Variants in FOXP1 observed in about 807,000 individuals in gnomAD.
FOXP1 encodes the protein forkhead box protein P1.
In FOXP1, 15 loss-of-function variants were observed where a neutral mutation model predicts 98.2. That is an observed-to-expected ratio of 0.15 (90% CI 0.10 to 0.24). FOXP1 has a LOEUF of 0.24. Ranked by LOEUF, FOXP1 falls within the 10% of genes least tolerant of loss-of-function variation. FOXP1 has a pLI of 1.00. For missense variants in FOXP1, 633 were observed against 848.5 expected (o/e 0.75, Z 3.15); for synonymous variants, 371 against 314.5 (o/e 1.18, Z -1.90).
chr3:71,551,271 A>AAGAGT (rs572029530), intron 2 of FOXP1, among the ~76,000 whole-genome samples: 27 of 152,366 alleles, frequency 1.8e-4, no homozygotes, highest in Admixed American at 2.0e-4. Flanking sequence ...AGACATTTAT[A>AAGAGT]AAAGTGTGCT....
chr3:71,396,658 G>A (rs1215723090), intron 3 of FOXP1, among the ~76,000 whole-genome samples: 1 of 150,736 alleles, frequency 6.6e-6, no homozygotes, highest in African/African-American at 2.5e-5. Context: ...AATTTATGGG[G>A]CCCGTGGCAT....
chr3:71,418,675 A>T (rs1233417846), intron 3 of FOXP1, among the ~76,000 whole-genome samples: 1 of 152,178 alleles, frequency 6.6e-6, no homozygotes, highest in Admixed American at 6.5e-5. Context: ...TTAACTGTCA[A>T]TTATCAAAAT....
intron 17 of FOXP1, among the ~76,000 whole-genome samples, chr3:70,976,384 A>G (rs955126876): frequency 2.6e-5 from 4 of 152,194 alleles, no homozygotes; most frequent in African/African-American, 9.6e-5. Flanking sequence ...CCAAAAAAAG[A>G]AAAACAAAAA....
intron 11 of FOXP1, among the ~76,000 whole-genome samples, chr3:71,031,715 T>C (rs1576308294): frequency 6.6e-6 from 1 of 151,670 alleles, no homozygotes; most frequent in South Asian, 2.1e-4. Context: ...GTTTTCACAA[T>C]GGAAAATGCT....
intron 3 of FOXP1, among the ~76,000 whole-genome samples, chr3:71,415,490 T>C (rs578226311): frequency 1.3e-5 from 2 of 152,268 alleles, no homozygotes; most frequent in East Asian, 3.9e-4. Flanking sequence ...ATCTAGACTA[T>C]CTGAGCAAAA....
At chr3:71,151,694 ATAAT>A (rs1220075012) in intron 6 of FOXP1, among the ~76,000 whole-genome samples, 3 of 149,106 alleles carry the variant, frequency 2.0e-5, no homozygotes, top group African/African-American at 4.9e-5. Context: ...AGTTAATGAA[ATAAT>A]TATTTTTTGG....
upstream of FOXP1, chr3:71,583,822 C>T (rs2048385800): frequency 2.0e-6 from 2 of 987,610 alleles, no homozygotes; most frequent in Non-Finnish European, 2.4e-6. Context: ...GCGGCGGCGG[C>T]GGCAGAGGCG....
At chr3:70,962,654 T>G (rs1191146342) in intron 20 of FOXP1, among the ~76,000 whole-genome samples, 2 of 152,230 alleles carry the variant, frequency 1.3e-5, no homozygotes, top group Non-Finnish European at 2.9e-5. Context: ...ATATGCTGAT[T>G]GAGGTTCAAA....
intron 7 of FOXP1, among the ~76,000 whole-genome samples, chr3:71,104,189 G>A (rs1022284781): frequency 1.6e-4 from 24 of 152,138 alleles, no homozygotes; most frequent in African/African-American, 5.8e-4. Context: ...AGGCCTGAAA[G>A]TCACTCAAGA....
At chr3:71,080,848 C>G (rs1007321902) in intron 7 of FOXP1, among the ~76,000 whole-genome samples, 1 of 152,172 alleles carries the variant, frequency 6.6e-6, no homozygotes, top group African/African-American at 2.4e-5. Context: ...AAAGTCTTAC[C>G]ATCTCTGAAT....
chr3:70,964,367 G>A (rs546949233), intron 20 of FOXP1, among the ~76,000 whole-genome samples: 26 of 152,328 alleles, frequency 1.7e-4, no homozygotes, highest in Non-Finnish European at 3.7e-4. Context: ...CTGAACTGGT[G>A]CCTGTGGCTT....
intron 8 of FOXP1, 66 bp downstream of exon 8, chr3:71,053,570 G>T (rs202246470): frequency 6.2e-7 from 1 of 1,601,064 alleles, no homozygotes; most frequent in African/African-American, 1.3e-5. Context: ...GGGAGATTGC[G>T]AATGGAGTGA....
intron 3 of FOXP1, among the ~76,000 whole-genome samples, chr3:71,404,115 T>TTTTCTTTTTC (rs766036443): frequency 6.3e-4 from 24 of 37,844 alleles, no homozygotes; most frequent in African/African-American, 2.0e-3. Flanking sequence ...TTTTCTTTTC[T>TTTTCTTTTTC]TTTTCTTTTT....
rs1190280881 is a variant in FOXP1 at position 71,553,183 on chromosome 3, T to G, written c.-298+28366A>C. Among the ~76,000 whole-genome samples, 4 of 152,146 alleles carry G rather than the reference T, an allele frequency of 2.6e-5. No homozygotes were observed. In the East Asian group the frequency reaches 7.7e-4, roughly 29 times the overall value. On this transcript the variant is annotated intron_variant, in intron 2 of 20. Transcript: ENST00000649528. ...TCCCTAAATTGAGGATATTCTCAATTCTACTATGTGGTATTGAAGTCCCTA... is the reference window on the plus strand; with the variant it reads ...TCCCTAAATTGAGGATATTCTCAATGCTACTATGTGGTATTGAAGTCCCTA...
Position 71,130,603 on chromosome 3 carries a change from C to T in FOXP1, c.181-17966G>A, listed in dbSNP as rs780288616. On this transcript the variant is annotated intron_variant, in intron 6 of 20. Coordinates refer to ENST00000649528, the MANE Select transcript of FOXP1 (RefSeq NM_001349338.3). ...GCTGTTTCTGCGAAGCGGGGGTTGCCGAGTGGTAAAAAAGATGTTTGAATA... is the reference window on the plus strand; with the variant it reads ...GCTGTTTCTGCGAAGCGGGGGTTGCTGAGTGGTAAAAAAGATGTTTGAATA... 4.6e-5 allele frequency: 73 copies of T among 1,598,066 alleles called. No individual in the cohort carries two copies. Among genetic ancestry groups the T allele is most frequent in the South Asian group, 1.8e-4 (16 of 91,082 alleles).
At chr3:71,441,410 C>T (rs548755063) in intron 3 of FOXP1, among the ~76,000 whole-genome samples, 4 of 152,358 alleles carry the variant, frequency 2.6e-5, no homozygotes, top group East Asian at 1.9e-4. Flanking sequence ...ATGTCAACAG[C>T]GCTGAAGTTA....
intron 3 of FOXP1, among the ~76,000 whole-genome samples, chr3:71,391,502 T>C (rs1460847490): frequency 6.6e-6 from 1 of 152,218 alleles, no homozygotes; most frequent in African/African-American, 2.4e-5. Context: ...TGGTCGCTGG[T>C]GAAAACCAGG....
At chr3:71,348,540 TGTGTGTGTGC>T (rs1343906624) in intron 4 of FOXP1, among the ~76,000 whole-genome samples, 2,317 of 71,886 alleles carry the variant, frequency 0.032, 66 homozygotes, top group African/African-American at 0.08. Flanking sequence ...TGTGTGTGTG[TGTGTGTGTGC>T]GTGCGCGCGC....
At chr3:71,493,172 T>C (rs2091187232) in intron 3 of FOXP1, among the ~76,000 whole-genome samples, 4 of 152,090 alleles carry the variant, frequency 2.6e-5, no homozygotes, top group African/African-American at 9.7e-5. Context: ...GGACCAAAAC[T>C]GAGATAGTCC....
Sources: allele counts gnomAD v4.1 joint callset (sites outside exome capture counted in the v4.1 genomes callset), GRCh38; gene constraint gnomAD v4.1.1; transcripts MANE v1.5; gene names NCBI Gene and HGNC (gene_info 2026-07-23, HGNC 2026-07-21).